Variants in LINGO2 observed in about 807,000 individuals in gnomAD.
The protein encoded by LINGO2 is leucine-rich repeat and immunoglobulin-like domain-containing nogo receptor-interacting protein 2.
In LINGO2, 14 loss-of-function variants were observed where a neutral mutation model predicts 30.6. The ratio of observed to expected loss-of-function variants is 0.46; its 90% CI spans 0.30 to 0.72. The LOEUF (loss-of-function observed/expected upper bound fraction) is 0.72. LINGO2 is among the 30% of genes least tolerant of loss of function. The pLI, the probability that LINGO2 is intolerant of heterozygous loss-of-function variation, is 0.07. For synonymous variants in LINGO2, 317 were observed against 288.5 expected (o/e 1.10, Z -1.00); for missense variants, 729 against 751.7 (o/e 0.97, Z 0.35).
chr9:28,021,803 TTG>T (rs1823139472), intron 4 of LINGO2, among the ~76,000 whole-genome samples: 2 of 152,134 alleles, frequency 1.3e-5, no homozygotes, highest in South Asian at 4.1e-4. Context: ...TCTGTTTCTT[TTG>T]ATTAGTAGGA....
intron 4 of LINGO2, among the ~76,000 whole-genome samples, chr9:28,232,523 T>A (rs1821394951): frequency 6.6e-6 from 1 of 151,998 alleles, no homozygotes; most frequent in African/African-American, 2.4e-5. Flanking sequence ...TACAATATGA[T>A]GTTTTGTTAT....
At chr9:28,589,133 T>A (rs1323061493) in intron 1 of LINGO2, among the ~76,000 whole-genome samples, 1 of 152,052 alleles carries the variant, frequency 6.6e-6, no homozygotes, top group Non-Finnish European at 1.5e-5. Context: ...ATAAATTAGG[T>A]ATTGATGGGT....
At position 28,189,701 on chromosome 9, in the gene LINGO2, GAGGA is replaced by G. The variant is rs145816256; in HGVS notation, c.-87+105503_-87+105506del. Among the ~76,000 whole-genome samples the G allele has an allele frequency of 1.0e-3, 17 of 16,616 alleles. 1 individual carries two copies. Among genetic ancestry groups the G allele is most frequent in the African/African-American group, 2.3e-3 (13 of 5,702 alleles). 10.9% of individuals were successfully genotyped at this position (16,616 alleles called of 152,430 possible). On this transcript the variant is annotated intron_variant, in intron 4 of 5. Transcript: ENST00000379992. ...GAAGGAAGGGAGGAAGGAAGGGAGG[GAGGA>G]AGGAAGGAAGGAAGGAAGGTTGGTT...
chr9:28,995,217 A>C, the LINGO2 span, among the ~76,000 whole-genome samples: 1 of 152,366 alleles, frequency 6.6e-6, no homozygotes, highest in African/African-American at 2.4e-5. Context: ...AAGGACATGA[A>C]CAGACACTTC....
the LINGO2 span, among the ~76,000 whole-genome samples, chr9:28,847,807 ATAT>A: frequency 2.7e-5 from 1 of 36,928 alleles, no homozygotes; most frequent in East Asian, 5.8e-4. Context: ...TGTATAGTAT[ATAT>A]GTATATATAC....
chr9:28,888,857 C>A, the LINGO2 span: 1 of 533,376 alleles, frequency 1.9e-6, no homozygotes, highest in Admixed American at 1.9e-5. Flanking sequence ...CATTGCAAAG[C>A]AGTAGAAATG....
rs567944182 is a variant in LINGO2 at position 28,543,060 on chromosome 9, T to C, written c.-364-67035A>G. Reference sequence around the variant, plus strand: ...CCTTTGCCAAATGCACTAGACGATCTGGGAGCAGGCATTTCTAAAACACAA... The same window carrying C: ...CCTTTGCCAAATGCACTAGACGATCCGGGAGCAGGCATTTCTAAAACACAA... On this transcript the variant is annotated intron_variant, in intron 1 of 5. Coordinates refer to ENST00000379992, the Ensembl canonical transcript of LINGO2. 9.6e-4 allele frequency among the ~76,000 whole-genome samples: 146 copies of C among 152,216 alleles called. 1 individual carries two copies. The highest frequency in any genetic ancestry group is 3.2e-3 in the African/African-American group (133 of 41,552).
chr9:28,369,504 A>C (rs1233362281), intron 3 of LINGO2, among the ~76,000 whole-genome samples: 1 of 152,210 alleles, frequency 6.6e-6, no homozygotes, highest in Non-Finnish European at 1.5e-5. Context: ...TGGCTAAGAC[A>C]AGATTTACTG....
At chr9:28,028,945 C>A (rs1425071405) in intron 4 of LINGO2, among the ~76,000 whole-genome samples, 1 of 152,064 alleles carries the variant, frequency 6.6e-6, no homozygotes, top group Non-Finnish European at 1.5e-5. Flanking sequence ...GTACAGCAGG[C>A]CCCAAGGCAA....
At chr9:28,184,445 A>G (rs971269613) in intron 4 of LINGO2, among the ~76,000 whole-genome samples, 12 of 152,084 alleles carry the variant, frequency 7.9e-5, no homozygotes, top group African/African-American at 2.4e-4. Flanking sequence ...AGGCTGCACT[A>G]TGTCTAAATT....
intron 1 of LINGO2, among the ~76,000 whole-genome samples, chr9:28,576,028 A>C (rs1823967911): frequency 6.6e-6 from 1 of 152,178 alleles, no homozygotes; most frequent in South Asian, 2.1e-4. Context: ...TGTACTGATA[A>C]ATCGATTGTA....
chr9:28,945,125 C>T, the LINGO2 span, among the ~76,000 whole-genome samples: 1 of 152,152 alleles, frequency 6.6e-6, no homozygotes, highest in Non-Finnish European at 1.5e-5. Context: ...CAGTTGCATG[C>T]TATCTTGGTA....
intron 1 of LINGO2, among the ~76,000 whole-genome samples, chr9:28,603,436 CA>C (rs1265741607): frequency 1.3e-5 from 2 of 151,328 alleles, no homozygotes; most frequent in South Asian, 2.1e-4. Context: ...AATTAATTTT[CA>C]AAAAAAAGTT....
intron 1 of LINGO2, among the ~76,000 whole-genome samples, chr9:28,508,640 TC>T (rs1401425850): frequency 1.3e-5 from 2 of 152,152 alleles, no homozygotes; most frequent in African/African-American, 4.8e-5. Flanking sequence ...CCACAATACA[TC>T]TTTTCCTTTA....
chr9:28,094,093 C>T (rs1325802599), intron 4 of LINGO2, among the ~76,000 whole-genome samples: 3 of 152,032 alleles, frequency 2.0e-5, no homozygotes, highest in African/African-American at 7.2e-5. Context: ...CCAAATGTTA[C>T]ATATAATTAG....
intron 5 of LINGO2, among the ~76,000 whole-genome samples, chr9:28,001,117 T>G (rs1433599877): frequency 6.6e-6 from 1 of 152,230 alleles, no homozygotes; most frequent in African/African-American, 2.4e-5. Context: ...TTTCTTAATC[T>G]AGTACAGAAG....
chr9:29,210,296 A>G, the LINGO2 span, among the ~76,000 whole-genome samples: 1 of 152,212 alleles, frequency 6.6e-6, no homozygotes, highest in Non-Finnish European at 1.5e-5. Context: ...ATGTCAAGAA[A>G]GAAAACTTCC....
chr9:28,357,933 A>G (rs1417460752), intron 3 of LINGO2, among the ~76,000 whole-genome samples: 2 of 152,118 alleles, frequency 1.3e-5, no homozygotes, highest in East Asian at 3.9e-4. Context: ...ACAATTTAAA[A>G]AATGTGTACA....
chr9:28,817,126 T>C, the LINGO2 span, among the ~76,000 whole-genome samples: 2 of 152,022 alleles, frequency 1.3e-5, no homozygotes, highest in East Asian at 3.9e-4. Flanking sequence ...GAAGAACCCA[T>C]ATGCATCAAA....
Sources: allele counts gnomAD v4.1 joint callset (sites outside exome capture counted in the v4.1 genomes callset), GRCh38; gene constraint gnomAD v4.1.1; transcripts MANE v1.5; gene names NCBI Gene and HGNC (gene_info 2026-07-23, HGNC 2026-07-21).